RYR3: variants seen among roughly 807,000 people sequenced by gnomAD.
RYR3 encodes ryanodine receptor 3.
Under a neutral mutation model 584.3 loss-of-function variants are expected in RYR3, and 207 were observed. That is an observed-to-expected ratio of 0.35 (90% CI 0.32 to 0.40). RYR3 has a LOEUF of 0.40. Among genes scored for constraint, RYR3 ranks in the 10% least tolerant of loss-of-function variants. The pLI is 1.00. For synonymous variants in RYR3, 2,416 were observed against 2,248.5 expected, an observed-to-expected ratio of 1.07 and a Z score of -2.11; for missense variants, 5,616 against 6,089.2, an observed-to-expected ratio of 0.92 and a Z score of 2.59.
At chr15:33,313,018 T>G (rs1967572813) in intron 1 of RYR3, among the ~76,000 whole-genome samples, 1 of 152,182 alleles carries the variant, frequency 6.6e-6, no homozygotes, top group Non-Finnish European at 1.5e-5. Context: ...AGGACCCAGG[T>G]TCAGAGCCCC....
At chr15:33,524,663 T>C (rs59733362) in intron 3 of RYR3, among the ~76,000 whole-genome samples, 3,885 of 152,352 alleles carry the variant, frequency 0.026, 64 homozygotes, top group Non-Finnish European at 0.04. Flanking sequence ...GCAACTCTGA[T>C]AGCATTAAGC....
intron 69 of RYR3, among the ~76,000 whole-genome samples, chr15:33,803,361 G>A (rs913842648): frequency 6.6e-6 from 1 of 152,194 alleles, no homozygotes; most frequent in Non-Finnish European, 1.5e-5. Flanking sequence ...ACTGTCATAT[G>A]ATGTAGACGA....
intron 99 of RYR3, 132 bp downstream of exon 99, chr15:33,858,046 T>A: frequency 8.4e-7 from 1 of 1,194,386 alleles, no homozygotes; most frequent in Non-Finnish European, 1.2e-6. Context: ...ACAGCAGAGA[T>A]TAAAGTAGAA....
intron 24 of RYR3, among the ~76,000 whole-genome samples, 198 bp downstream of exon 24, chr15:33,633,306 T>C (rs1207916679): frequency 1.3e-5 from 2 of 152,236 alleles, no homozygotes; most frequent in African/African-American, 4.8e-5. Context: ...TCAGCAGTAT[T>C]TCTGGGATAG....
chr15:33,663,261 G>C (rs923287449), intron 35 of RYR3, among the ~76,000 whole-genome samples: 2 of 152,302 alleles, frequency 1.3e-5, no homozygotes, highest in East Asian at 1.9e-4. Flanking sequence ...CAGCATTCAC[G>C]TGCATGATCT....
At chr15:33,861,248 C>T in intron 102 of RYR3, 70 bp downstream of exon 102, 1 of 1,140,894 alleles carries the variant, frequency 8.8e-7, no homozygotes, top group Non-Finnish European at 1.3e-6. Context: ...TCATATAGTT[C>T]AGTCTCTGCT....
At chr15:33,696,178 A>G (rs913084421) in intron 38 of RYR3, 40 bp from the exon 39 acceptor site, 10 of 1,582,486 alleles carry the variant, frequency 6.3e-6, no homozygotes, top group East Asian at 4.5e-5. Flanking sequence ...TCCCTGAGCC[A>G]TGACAGCCAC....
intron 1 of RYR3, among the ~76,000 whole-genome samples, chr15:33,341,433 A>G (rs1268277543): frequency 1.3e-5 from 2 of 152,180 alleles, no homozygotes; most frequent in African/African-American, 2.4e-5. Flanking sequence ...ACTGGAATAG[A>G]ATGATCTACA....
chr15:33,631,380 A>G (rs756266414), intron 23 of RYR3, 87 bp downstream of exon 23: 148 of 827,996 alleles, frequency 1.8e-4, no homozygotes, highest in Non-Finnish European at 2.6e-4. Flanking sequence ...GACAGACAAC[A>G]GCCCACATAG....
intron 1 of RYR3, among the ~76,000 whole-genome samples, chr15:33,384,861 C>T (rs1254457976): frequency 6.6e-6 from 1 of 152,066 alleles, no homozygotes; most frequent in Non-Finnish European, 1.5e-5. Context: ...AAATTGACTG[C>T]ATTTGTTTTG....
chr15:33,548,075 C>A (rs2056382614), intron 8 of RYR3, 55 bp from the exon 9 acceptor site: 1 of 1,310,546 alleles, frequency 7.6e-7, no homozygotes, highest in East Asian at 2.4e-5. Flanking sequence ...TGTTCTTCAC[C>A]CGGGTGCTGA....
chr15:33,324,592 C>G (rs1969437109), intron 1 of RYR3, among the ~76,000 whole-genome samples: 1 of 152,158 alleles, frequency 6.6e-6, no homozygotes. Context: ...TCCTGTTTGT[C>G]TCTCTCCTAC....
intron 42 of RYR3, among the ~76,000 whole-genome samples, chr15:33,704,281 C>CA (rs5811787): frequency 0.39 from 43,793 of 113,466 alleles, 7,352 homozygotes; most frequent in East Asian, 0.62. Context: ...GACTCCGTCT[C>CA]AAAAAAAAAA....
chr15:33,540,696 G>A, intron 6 of RYR3, 95 bp from the exon 7 acceptor site: 3 of 756,688 alleles, frequency 4.0e-6, no homozygotes, highest in African/African-American at 1.7e-5. Context: ...TGACAGTAAG[G>A]CTGTTTAATT....
chr15:33,858,453 CACCTCTGCCT>C (rs1490190712), intron 99 of RYR3: 3 of 144,952 alleles, frequency 2.1e-5, no homozygotes, highest in African/African-American at 7.4e-5. Context: ...GTGATCTGCC[CACCTCTGCCT>C]CCCAAAGTGC....
At chr15:33,387,417 A>G (rs575409503) in intron 1 of RYR3, among the ~76,000 whole-genome samples, 4 of 152,312 alleles carry the variant, frequency 2.6e-5, no homozygotes, top group Non-Finnish European at 5.9e-5. Flanking sequence ...ACACTCTTCC[A>G]TAGCAGCAGC....
chr15:33,715,184 G>A (rs1166345805), intron 43 of RYR3, among the ~76,000 whole-genome samples: 2 of 152,318 alleles, frequency 1.3e-5, no homozygotes, highest in East Asian at 3.9e-4. Context: ...CATACAAGGT[G>A]TAGACACTTA....
chr15:33,743,742 T>C (rs1307246214), intron 52 of RYR3, among the ~76,000 whole-genome samples: 1 of 152,218 alleles, frequency 6.6e-6, no homozygotes, highest in African/African-American at 2.4e-5. Context: ...CAAGCTGCCA[T>C]CGTCTTTCAC....
intron 27 of RYR3, among the ~76,000 whole-genome samples, chr15:33,640,789 A>G (rs10775211): frequency 0.65 from 99,026 of 152,072 alleles, 32,841 homozygotes; most frequent in East Asian, 0.85. Context: ...GCCTTTTGCA[A>G]ATTTTCTTCT....
Sources: allele counts gnomAD v4.1 joint callset (sites outside exome capture counted in the v4.1 genomes callset), GRCh38; gene constraint gnomAD v4.1.1; transcripts MANE v1.5; gene names NCBI Gene and HGNC (gene_info 2026-07-23, HGNC 2026-07-21).